FILIP1: variants seen among roughly 807,000 people sequenced by gnomAD.
The protein encoded by FILIP1 is filamin-A-interacting protein 1.
Under a neutral mutation model 102.1 loss-of-function variants are expected in FILIP1, and 61 were observed. The ratio of observed to expected loss-of-function variants is 0.60; its 90% CI spans 0.49 to 0.74. The LOEUF is 0.74. Among genes scored for constraint, FILIP1 ranks in the 30% least tolerant of loss-of-function variants. The pLI is 0.00. For synonymous variants in FILIP1, 491 were observed against 526.9 expected (o/e 0.93, Z 0.93); for missense variants, 1,314 against 1,441.2 (o/e 0.91, Z 1.43).
chr6:75,375,108 G>A (rs988535454), intron 2 of FILIP1, among the ~76,000 whole-genome samples: 1 of 152,034 alleles, frequency 6.6e-6, no homozygotes, highest in African/African-American at 2.4e-5. Flanking sequence ...GAGTCTGAGT[G>A]CAGCACAGTG....
At chr6:75,486,849 T>C (rs1210445003) in intron 1 of FILIP1, among the ~76,000 whole-genome samples, 1 of 152,136 alleles carries the variant, frequency 6.6e-6, no homozygotes, top group Non-Finnish European at 1.5e-5. Context: ...GTAAATGTAC[T>C]GCATATGTTG....
chr6:75,314,827 C>A lies in FILIP1; in HGVS notation c.1005G>T (p.Leu335=), dbSNP rs769461657. 2 of 1,614,066 alleles carry A rather than the reference C, an allele frequency of 1.2e-6. No homozygotes were observed. The highest frequency in any genetic ancestry group is 1.7e-6 in the Non-Finnish European group (2 of 1,180,022). The change falls in exon 5 of 6, where the codon CTG becomes CTT. Residue 335 remains leucine, a synonymous_variant. Transcript: ENST00000237172. ...CCTCGATTCTTTGGGTTAAGCCAAC[C>A]AGCTTGAGTCTAAGTTGCCTATTGT... ...ESHNRQLRLK[L]VGLTQRIEEL...
At chr6:75,364,112 G>A (rs2703710) in intron 2 of FILIP1, among the ~76,000 whole-genome samples, 8,712 of 152,226 alleles carry the variant, frequency 0.057, 701 homozygotes, top group African/African-American at 0.17. Context: ...TGAGATGTCA[G>A]TGAACTGGAA....
chr6:75,324,644 C>T (rs1054375911), intron 4 of FILIP1, among the ~76,000 whole-genome samples: 3 of 151,986 alleles, frequency 2.0e-5, no homozygotes, highest in Admixed American at 6.5e-5. Context: ...CAACACTAAG[C>T]GAAAAAACAA....
intron 1 of FILIP1, among the ~76,000 whole-genome samples, chr6:75,489,684 T>C (rs1362704285): frequency 6.6e-6 from 1 of 152,110 alleles, no homozygotes; most frequent in Non-Finnish European, 1.5e-5. Context: ...ATCCAGGCTA[T>C]CTGACTGACT....
intron 1 of FILIP1, among the ~76,000 whole-genome samples, chr6:75,416,626 A>G (rs1037078252): frequency 6.6e-6 from 1 of 152,026 alleles, no homozygotes; most frequent in Admixed American, 6.6e-5. Context: ...AAGAGTTTCA[A>G]ATTTAACTCA....
chr6:75,415,208 T>C (rs748710736), intron 1 of FILIP1, among the ~76,000 whole-genome samples: 3 of 152,088 alleles, frequency 2.0e-5, no homozygotes, highest in Non-Finnish European at 4.4e-5. Context: ...TCAGTATCAA[T>C]AGTGCTAAGT....
intron 4 of FILIP1, among the ~76,000 whole-genome samples, chr6:75,326,712 TAAG>T (rs1562462714): frequency 6.6e-6 from 1 of 152,206 alleles, no homozygotes; most frequent in Non-Finnish European, 1.5e-5. Flanking sequence ...AGAACATGAC[TAAG>T]AAGGTTGGGA....
At chr6:75,353,477 A>G in intron 4 of FILIP1, 62 bp downstream of exon 4, 1 of 1,570,834 alleles carries the variant, frequency 6.4e-7, no homozygotes, top group Non-Finnish European at 8.7e-7. Context: ...CCCTGAAGGG[A>G]CGGGCAGACA....
chr6:75,385,585 C>T (rs1408266358), intron 2 of FILIP1: 1 of 152,110 alleles, frequency 6.6e-6, no homozygotes, highest in Non-Finnish European at 1.5e-5. Flanking sequence ...TCATGTAATG[C>T]AATATTTTAC....
At chr6:75,330,240 G>C (rs1192075094) in intron 4 of FILIP1, among the ~76,000 whole-genome samples, 1 of 152,148 alleles carries the variant, frequency 6.6e-6, no homozygotes, top group African/African-American at 2.4e-5. Context: ...AGCCTCACTT[G>C]CCTCACCCTA....
At chr6:75,331,207 A>G (rs1209564686) in intron 4 of FILIP1, among the ~76,000 whole-genome samples, 3 of 152,192 alleles carry the variant, frequency 2.0e-5, no homozygotes, top group Non-Finnish European at 4.4e-5. Context: ...ATACGTAACT[A>G]GTAAATACCA....
At chr6:75,456,897 T>G (rs1314194653) in intron 1 of FILIP1, among the ~76,000 whole-genome samples, 1 of 152,206 alleles carries the variant, frequency 6.6e-6, no homozygotes, top group Non-Finnish European at 1.5e-5. Flanking sequence ...TTGTTACTTT[T>G]TCTTATTTGC....
chr6:75,320,777 A>C (rs1773626444), intron 4 of FILIP1, among the ~76,000 whole-genome samples: 1 of 152,136 alleles, frequency 6.6e-6, no homozygotes, highest in Admixed American at 6.5e-5. Context: ...TCCCTTGAAG[A>C]ACGTGTCCAT....
At chr6:75,477,128 A>G (rs1441515668) in intron 1 of FILIP1, among the ~76,000 whole-genome samples, 2 of 152,220 alleles carry the variant, frequency 1.3e-5, no homozygotes, top group Non-Finnish European at 2.9e-5. Context: ...TTTCATGTAT[A>G]TTAATGTTGA....
intron 1 of FILIP1, among the ~76,000 whole-genome samples, chr6:75,478,235 T>A (rs1779545251): frequency 6.6e-6 from 1 of 152,138 alleles, no homozygotes; most frequent in Admixed American, 6.5e-5. Context: ...TTACTCGGGG[T>A]AATGTTTCAG....
rs749361613 is a variant in FILIP1 at position 75,314,072 on chromosome 6, G to A, written c.1760C>T (p.Ser587Phe). ...GKLKSEEEKS[S>F]ELSCSVDLLK... ...TAAGTCAACACTGCAGCTTAATTCA[G>A]AGGATTTTTCTTCTTCACTTTTCAA... Residue 587 changes from serine to phenylalanine, a missense_variant, in exon 5 of 6, where the codon TCT (serine) becomes TTT (phenylalanine). By Grantham distance (155) the Ser-to-Phe change is radical (BLOSUM62 -2). This residue lies in a region of FILIP1 where 816 missense variants were observed against 913.1 expected (regional missense o/e 0.89). Coordinates refer to ENST00000237172, the MANE Select transcript of FILIP1 (RefSeq NM_015687.5). 14 of 1,505,630 alleles carry A rather than the reference G, an allele frequency of 9.3e-6. No homozygotes were observed. Among genetic ancestry groups the A allele is most frequent in the African/African-American group, 2.8e-5 (2 of 70,244 alleles). The allele number at this position is 1,505,630 out of a possible 1,614,324, so 93.3% of individuals were successfully genotyped here.
At chr6:75,418,192 C>T (rs56349005) in intron 1 of FILIP1, among the ~76,000 whole-genome samples, 26,231 of 152,058 alleles carry the variant, frequency 0.17, 2,429 homozygotes, top group Non-Finnish European at 0.19. Context: ...AGCAAGACTC[C>T]GTCTCAAAAA....
chr6:75,405,067 A>AC (rs1776793097), intron 2 of FILIP1, among the ~76,000 whole-genome samples: 1 of 152,068 alleles, frequency 6.6e-6, no homozygotes, highest in Non-Finnish European at 1.5e-5. Context: ...AATGACAACA[A>AC]CCCCAGAACA....
Sources: allele counts gnomAD v4.1 joint callset (sites outside exome capture counted in the v4.1 genomes callset), GRCh38; gene constraint gnomAD v4.1.1; regional missense constraint gnomAD v4.1.1; transcripts MANE v1.5; gene names NCBI Gene and HGNC (gene_info 2026-07-23, HGNC 2026-07-21).